Variants in TNRC6A observed in about 807,000 individuals in gnomAD.
TNRC6A encodes trinucleotide repeat containing adaptor 6A.
TNRC6A carries 44 observed loss-of-function variants against 221.2 expected under a neutral mutation model. The ratio of observed to expected loss-of-function variants is 0.20; its 90% confidence interval spans 0.16 to 0.26. The LOEUF is 0.26. TNRC6A is among the 10% of genes least tolerant of loss of function. The pLI is 1.00. For missense variants in TNRC6A, 2,199 were observed against 2,404.4 expected, an observed-to-expected ratio of 0.91 and a Z score of 1.79; for synonymous variants, 847 against 838.5, an observed-to-expected ratio of 1.01 and a Z score of -0.18.
At chr16:24,718,894 G>A (rs1395326016) in intron 2 of TNRC6A, among the ~76,000 whole-genome samples, 2 of 151,660 alleles carry the variant, frequency 1.3e-5, no homozygotes, top group Non-Finnish European at 2.9e-5. Context: ...AAAATTAGCC[G>A]GGCATGGTGG....
rs1344777415 is a variant in TNRC6A, at chr16:24,635,608, T to G, written n.277-5276T>G. On this transcript the variant is annotated intron_variant and non_coding_transcript_variant, in intron 1 of 2. Transcript: ENST00000566108. Reference sequence around the variant, plus strand: ...AGATTCTGCACCTTTTTAAAAAATTTTACTTTCTCAATTGTCTCAGCACCC... The same window carrying G: ...AGATTCTGCACCTTTTTAAAAAATTGTACTTTCTCAATTGTCTCAGCACCC... 2.0e-5 allele frequency among the ~76,000 whole-genome samples: 3 copies of G among 152,174 alleles called. No individual in the cohort carries two copies. In the East Asian group the frequency reaches 5.8e-4, roughly 29 times the overall value.
chr16:24,730,150 C>G (rs1363447769), intron 1 of TNRC6A, 103 bp from the exon 2 acceptor site: 2 of 1,202,420 alleles, frequency 1.7e-6, no homozygotes, highest in Non-Finnish European at 1.1e-6. Context: ...CTCCCCCATC[C>G]GGCCCCGGCG....
chr16:24,750,963 ATAAAG>A (rs2057124297), intron 3 of TNRC6A, 150 bp downstream of exon 3: 1 of 732,902 alleles, frequency 1.4e-6, no homozygotes, highest in African/African-American at 1.8e-5. Context: ...GAATATGCAT[ATAAAG>A]TAACTTGCTG....
Position 24,793,479 on chromosome 16 carries a change from G to T in TNRC6A, c.3182G>T (p.Gly1061Val). 1 of 1,453,580 alleles carries T rather than the reference G, an allele frequency of 6.9e-7. No individual in the cohort carries two copies. 90.0% of individuals were successfully genotyped at this position (1,453,580 alleles called of 1,614,324 possible). A position where few individuals can be genotyped will look rare whatever the true frequency, so the allele number is the denominator to read the frequency against. Residue 1061 changes from glycine (G) to valine (V), a missense_variant, in exon 7 of 25, where the codon GGT becomes GTT. Gly to Val is a moderately radical substitution (Grantham distance 109). Coordinates refer to ENST00000395799, the MANE Select transcript of TNRC6A (RefSeq NM_014494.4). ...TTTCCCACACTTTCTAAAGGCTGGG[G>T]TGAGCCCTGGGGGGAGCCTTCTACT... ...NKEASSGSGW[G>V]EPWGEPSTPA...
intron 2 of TNRC6A, among the ~76,000 whole-genome samples, chr16:24,647,798 G>C (rs1198632376): frequency 6.6e-6 from 1 of 152,136 alleles, no homozygotes; most frequent in Non-Finnish European, 1.5e-5. Flanking sequence ...TTTTAGTAGA[G>C]ATGTGTTTTC....
intron 4 of TNRC6A, among the ~76,000 whole-genome samples, chr16:24,765,117 A>G (rs1454716835): frequency 2.6e-5 from 4 of 152,296 alleles, no homozygotes; most frequent in East Asian, 3.9e-4. Flanking sequence ...GCTGAGTCAT[A>G]TGGTAGTTCC....
rs1326262595 is a variant in TNRC6A, at chr16:24,815,288, G to A, written c.4814G>A (p.Ser1605Asn). ...GCCAAATCGCCTAACGGCTCTAGCA[G>A]TGTTAATTGGCCACCAGGTAAAATT... ...PRAKSPNGSS[S>N]VNWPPEFRPG... is the part of the protein sequence containing the mutation. The change falls in exon 19 of 25, where the codon AGT (serine) becomes AAT (asparagine). Residue 1605 changes from serine to asparagine, a missense_variant. Ser to Asn is a conservative substitution (Grantham distance 46). Transcript: ENST00000395799. 6.2e-7 allele frequency: 1 copy of A among 1,614,124 alleles called. No individual in the cohort carries two copies. The highest frequency in any genetic ancestry group is 8.5e-7 in the Non-Finnish European group (1 of 1,180,052).
chr16:24,821,600 G>A (rs1283435660), intron 22 of TNRC6A, among the ~76,000 whole-genome samples: 1 of 152,158 alleles, frequency 6.6e-6, no homozygotes, highest in African/African-American at 2.4e-5. Flanking sequence ...GGATGCCACA[G>A]GGGTCCAGCA....
At chr16:24,616,342 A>G (rs923791722) in intron 1 of TNRC6A, among the ~76,000 whole-genome samples, 2,233 of 144,672 alleles carry the variant, frequency 0.015, 31 homozygotes, top group Non-Finnish European at 0.021. Context: ...AAAAAAAAAA[A>G]AAGAAGAAGA....
chr16:24,648,559 C>T (rs143272881), intron 2 of TNRC6A, among the ~76,000 whole-genome samples: 16 of 152,170 alleles, frequency 1.1e-4, no homozygotes, highest in South Asian at 4.2e-4. Context: ...CGTGAGCCAC[C>T]GCGCCCGGCC....
chr16:24,823,344 GCA>G lies in TNRC6A; in HGVS notation c.5514-87_5514-86del. On this transcript the variant is annotated intron_variant, in intron 24 of 24. Coordinates refer to ENST00000395799, the MANE Select transcript of TNRC6A (RefSeq NM_014494.4). The surrounding 1 kb of genome is among the most constrained non-coding windows in gnomAD (Gnocchi z 4.3). ...CTCTGTGCCTTCTGTGGCTTTTCTA[GCA>G]GAGACAAGTTGCACCCTCACTTGTG... 6.7e-7 allele frequency: 1 copy of G among 1,490,166 alleles called. No individual in the cohort carries two copies. The highest frequency in any genetic ancestry group is 9.0e-7 in the Non-Finnish European group (1 of 1,110,126). The allele number at this position is 1,490,166 out of a possible 1,614,324, so 92.3% of individuals were successfully genotyped here.
rs75795413 is a variant in TNRC6A, at chr16:24,694,215, C to G, written n.402+53206C>G. Among the ~76,000 whole-genome samples, 1,340 of 152,202 alleles carry G rather than the reference C, an allele frequency of 8.8e-3. 22 individuals are homozygous for G. The highest frequency in any genetic ancestry group is 0.03 in the African/African-American group (1,262 of 41,530). On this transcript the variant is annotated intron_variant and non_coding_transcript_variant, in intron 2 of 2. Coordinates refer to the TNRC6A transcript ENST00000566108. ...ACAGTGCTTAAGAGGGAAAGGACCT[C>G]ATGGTGGACACTCGGTCTCTTGCCT...
chr16:24,743,722 A>G (rs1459072819), intron 2 of TNRC6A, among the ~76,000 whole-genome samples: 1 of 152,180 alleles, frequency 6.6e-6, no homozygotes, highest in African/African-American at 2.4e-5. Context: ...ATTTAATCAC[A>G]TTTACTTTAT....
intron 11 of TNRC6A, chr16:24,803,909 G>GAA: frequency 3.2e-6 from 1 of 317,234 alleles, no homozygotes; most frequent in Non-Finnish European, 5.7e-6. Context: ...AAATAAAAAA[G>GAA]AAAAAAAAAG....
chr16:24,623,720 G>A (rs78062089), intron 1 of TNRC6A, among the ~76,000 whole-genome samples: 14,093 of 151,190 alleles, frequency 0.093, 847 homozygotes, highest in Non-Finnish European at 0.13. Context: ...GTGAGACCTC[G>A]TCTCTAAAAA....
chr16:24,700,957 A>G (rs992992550), intron 2 of TNRC6A, among the ~76,000 whole-genome samples: 1 of 152,210 alleles, frequency 6.6e-6, no homozygotes, highest in African/African-American at 2.4e-5. Context: ...ACCCAATGCA[A>G]TAAGGCTGCC....
chr16:24,697,467 T>C (rs1243448750), intron 2 of TNRC6A, among the ~76,000 whole-genome samples: 1 of 150,004 alleles, frequency 6.7e-6, no homozygotes, highest in Non-Finnish European at 1.5e-5. Context: ...GGCAGACCAT[T>C]TGAGGCCAGG....
intron 2 of TNRC6A, among the ~76,000 whole-genome samples, chr16:24,694,582 G>C (rs1482733811): frequency 1.3e-5 from 2 of 148,848 alleles, no homozygotes; most frequent in African/African-American, 2.5e-5. Context: ...TTGAACCCTG[G>C]AGGCAGGGTT....
chr16:24,765,727 GAAA>G (rs894407389), intron 4 of TNRC6A, among the ~76,000 whole-genome samples: 1 of 148,960 alleles, frequency 6.7e-6, no homozygotes, highest in African/African-American at 2.5e-5. Context: ...CTAACAGAAT[GAAA>G]AAAAAATGGC....
Sources: allele counts gnomAD v4.1 joint callset (sites outside exome capture counted in the v4.1 genomes callset), GRCh38; gene constraint gnomAD v4.1.1; non-coding constraint Gnocchi (gnomAD v3.1); transcripts MANE v1.5; gene names NCBI Gene and HGNC (gene_info 2026-07-23, HGNC 2026-07-21).